Variants in C12orf42 observed in about 807,000 individuals in gnomAD.
The protein encoded by C12orf42 is uncharacterized protein C12orf42.
In C12orf42, 25 loss-of-function variants were observed where a neutral mutation model predicts 21.6. That is an observed-to-expected ratio of 1.16 (90% CI 0.84 to 1.62). The LOEUF (loss-of-function observed/expected upper bound fraction) is 1.62. Ranked by LOEUF, C12orf42 falls within the 40% of genes most tolerant of loss-of-function variation. The pLI is 0.00. For missense variants in C12orf42, 483 were observed against 459.3 expected (o/e 1.05, Z -0.47); for synonymous variants, 174 against 175.0 (o/e 0.99, Z 0.05).
chr12:103,059,816 T>C, the C12orf42 span, among the ~76,000 whole-genome samples: 1 of 152,172 alleles, frequency 6.6e-6, no homozygotes, highest in Non-Finnish European at 1.5e-5. Flanking sequence ...AACTAGATAC[T>C]GATGGAACAT....
chr12:103,309,337 C>T (rs1284600654), intron 4 of C12orf42, among the ~76,000 whole-genome samples: 1 of 152,144 alleles, frequency 6.6e-6, no homozygotes, highest in Non-Finnish European at 1.5e-5. Context: ...GATCCACTTC[C>T]ACTTAATGAA....
intron 1 of C12orf42, among the ~76,000 whole-genome samples, chr12:103,487,084 G>T (rs1309999637): frequency 2.0e-5 from 3 of 151,976 alleles, no homozygotes; most frequent in African/African-American, 4.8e-5. Flanking sequence ...CTTTTCTTGT[G>T]GGCATTTAGT....
the C12orf42 span, among the ~76,000 whole-genome samples, chr12:103,553,376 T>C: frequency 6.6e-6 from 1 of 152,130 alleles, no homozygotes; most frequent in Non-Finnish European, 1.5e-5. Context: ...CGTCCTCCCC[T>C]GGAGATGGTC....
chr12:103,223,863 G>A, the C12orf42 span, among the ~76,000 whole-genome samples: 17 of 152,134 alleles, frequency 1.1e-4, no homozygotes, highest in Non-Finnish European at 2.5e-4. Context: ...GTCCTTTTTG[G>A]TGGCTGAGCT....
intron 4 of C12orf42, among the ~76,000 whole-genome samples, chr12:103,347,556 A>G (rs1281816439): frequency 6.6e-6 from 1 of 152,188 alleles, no homozygotes. Flanking sequence ...AAAATTCCAT[A>G]AAATCAACAA....
chr12:103,460,481 C>A (rs1045119038), intron 2 of C12orf42, among the ~76,000 whole-genome samples: 5 of 152,148 alleles, frequency 3.3e-5, no homozygotes, highest in African/African-American at 1.2e-4. Flanking sequence ...TTGGTCAGCA[C>A]CTTGCTCTCT....
chr12:103,103,162 T>C, the C12orf42 span, among the ~76,000 whole-genome samples: 2 of 152,220 alleles, frequency 1.3e-5, no homozygotes, highest in South Asian at 4.1e-4. Context: ...GGAGCCATCA[T>C]ATCCATAGGT....
the C12orf42 span, among the ~76,000 whole-genome samples, chr12:103,509,033 A>C: frequency 6.6e-6 from 1 of 152,216 alleles, no homozygotes; most frequent in African/African-American, 2.4e-5. Flanking sequence ...AAACTGAGGC[A>C]TAAGGATGTT....
chr12:103,362,513 T>C (rs2044208271), intron 4 of C12orf42, among the ~76,000 whole-genome samples: 2 of 151,520 alleles, frequency 1.3e-5, no homozygotes, highest in Non-Finnish European at 2.9e-5. Context: ...AAAAAACAAA[T>C]CCCTTATTTA....
chr12:103,199,320 T>A, the C12orf42 span, among the ~76,000 whole-genome samples: 5 of 152,162 alleles, frequency 3.3e-5, no homozygotes, highest in African/African-American at 1.2e-4. Context: ...CAAAATGAAT[T>A]ATAATAATAA....
intron 3 of C12orf42, 39 bp from the exon 4 acceptor site, chr12:103,369,037 G>C: frequency 9.0e-7 from 1 of 1,108,116 alleles, no homozygotes; most frequent in Non-Finnish European, 1.3e-6. Context: ...AAAAAAATTA[G>C]GTCAATGGCT....
the C12orf42 span, among the ~76,000 whole-genome samples, chr12:103,522,705 A>G: frequency 1.3e-5 from 2 of 152,156 alleles, no homozygotes; most frequent in East Asian, 3.9e-4. Context: ...TTGTGTTCCT[A>G]TTGCCCTCAA....
At chr12:103,376,364 C>T (rs1228508092) in intron 3 of C12orf42, among the ~76,000 whole-genome samples, 1 of 151,952 alleles carries the variant, frequency 6.6e-6, no homozygotes, top group Admixed American at 6.6e-5. Flanking sequence ...AATGAAAACA[C>T]ACGGACGCAG....
chr12:103,307,183 A>C (rs1349801055), intron 4 of C12orf42, among the ~76,000 whole-genome samples: 21 of 152,228 alleles, frequency 1.4e-4, no homozygotes, highest in Admixed American at 1.4e-3. Context: ...GCTTAGAGCA[A>C]GTAGCTTGCT....
chr12:103,103,851 A>G, the C12orf42 span, among the ~76,000 whole-genome samples: 1 of 148,658 alleles, frequency 6.7e-6, no homozygotes, highest in Admixed American at 6.8e-5. Context: ...GCCTGGCTGG[A>G]GTGCAGTGGT....
At position 103,302,363 on chromosome 12, in the gene C12orf42, GCCTTTTCCGA is replaced by G; in HGVS notation, c.818_827del (p.Val273AlafsTer52). ...GCATCTCCGGCGCCATGGCAACCGC[GCCTTTTCCGA>G]CGGGATTTCCGGACGCGCCCAGGAG... On this transcript the variant is annotated frameshift_variant, in exon 6 of 6. Transcript: ENST00000548883. LOFTEE classifies it low-confidence loss of function (END_TRUNC). The G allele has an allele frequency of 2.5e-6, 4 of 1,613,994 alleles. No homozygotes were observed. Among genetic ancestry groups the G allele is most frequent in the Non-Finnish European group, 3.4e-6 (4 of 1,179,900 alleles).
intron 4 of C12orf42, among the ~76,000 whole-genome samples, chr12:103,352,520 T>G (rs1353824919): frequency 1.3e-5 from 2 of 152,102 alleles, no homozygotes; most frequent in African/African-American, 4.8e-5. Context: ...CAATAAGGGT[T>G]TTCTAACTAA....
At chr12:103,145,482 G>T in the C12orf42 span, among the ~76,000 whole-genome samples, 1 of 152,142 alleles carries the variant, frequency 6.6e-6, no homozygotes, top group African/African-American at 2.4e-5. Flanking sequence ...GATAACAAGT[G>T]GTGGTGAGGG....
At chr12:103,178,835 A>C in the C12orf42 span, among the ~76,000 whole-genome samples, 49 of 152,226 alleles carry the variant, frequency 3.2e-4, 1 homozygote. Flanking sequence ...AGAAAGTAGA[A>C]ATAAACAAAG....
Sources: allele counts gnomAD v4.1 joint callset (sites outside exome capture counted in the v4.1 genomes callset), GRCh38; gene constraint gnomAD v4.1.1; transcripts MANE v1.5; gene names NCBI Gene and HGNC (gene_info 2026-07-23, HGNC 2026-07-21).